Variants in AK5 observed in about 807,000 individuals in gnomAD.
The protein encoded by AK5 is adenylate kinase 5.
Under a neutral mutation model 69.5 loss-of-function variants are expected in AK5, and 27 were observed. That is an observed-to-expected ratio of 0.39 (90% CI 0.29 to 0.54). The LOEUF (loss-of-function observed/expected upper bound fraction) is 0.54. Among genes scored for constraint, AK5 ranks in the 20% least tolerant of loss-of-function variants. AK5 has a pLI of 0.71. For synonymous variants in AK5, 260 were observed against 244.4 expected (o/e 1.06, Z -0.60); for missense variants, 531 against 700.4 (o/e 0.76, Z 2.73).
At chr1:77,399,360 C>A (rs1649042011) in intron 6 of AK5, among the ~76,000 whole-genome samples, 1 of 152,160 alleles carries the variant, frequency 6.6e-6, no homozygotes, top group African/African-American at 2.4e-5. Flanking sequence ...GGGCCCTTTT[C>A]TCTCAACCAC....
chr1:77,358,018 T>TGTGTGTGTGTGTGTGTGTGTGAGAGAGA (rs762714026), intron 6 of AK5, among the ~76,000 whole-genome samples: 1 of 128,174 alleles, frequency 7.8e-6, no homozygotes, highest in African/African-American at 2.8e-5. Flanking sequence ...TGTGTGTGTG[T>TGTGTGTGTGTGTGTGTGTGTGAGAGAGA]GAGAGAGAGA....
chr1:77,536,163 A>C, intron 13 of AK5, 125 bp downstream of exon 13: 1 of 1,108,756 alleles, frequency 9.0e-7, no homozygotes, highest in Admixed American at 2.9e-5. Context: ...GTGCAGCTGC[A>C]GCACTGGGGC....
chr1:77,517,066 C>CT (rs745608017), intron 10 of AK5, among the ~76,000 whole-genome samples: 9,934 of 68,602 alleles, frequency 0.14, 464 homozygotes, highest in Middle Eastern at 0.21. Context: ...GCAAGACCAT[C>CT]TCAAAAAAAA....
intron 13 of AK5, among the ~76,000 whole-genome samples, chr1:77,542,474 G>A (rs2100375212): frequency 6.6e-6 from 1 of 152,330 alleles, no homozygotes; most frequent in East Asian, 1.9e-4. Flanking sequence ...GGACCTGACT[G>A]ATATAAACAT....
chr1:77,292,751 A>G (rs1252453017), intron 2 of AK5, among the ~76,000 whole-genome samples: 1 of 152,088 alleles, frequency 6.6e-6, no homozygotes, highest in Non-Finnish European at 1.5e-5. Flanking sequence ...TATTTCCTGC[A>G]TTTCATCACC....
intron 6 of AK5, among the ~76,000 whole-genome samples, chr1:77,380,665 C>A (rs753831802): frequency 4.6e-5 from 7 of 152,218 alleles, no homozygotes; most frequent in Non-Finnish European, 8.8e-5. Flanking sequence ...TCCCTGACCT[C>A]AAGGAAAGTA....
chr1:77,372,758 TGTG>T (rs1647143315), intron 6 of AK5, among the ~76,000 whole-genome samples: 2 of 116,176 alleles, frequency 1.7e-5, no homozygotes, highest in South Asian at 5.3e-4. Context: ...CTAAATAAAA[TGTG>T]TGTGTGTGTG....
At chr1:77,298,878 C>A (rs780514173) in intron 5 of AK5, among the ~76,000 whole-genome samples, 1 of 152,138 alleles carries the variant, frequency 6.6e-6, no homozygotes, top group Admixed American at 6.5e-5. Flanking sequence ...TATGCTCATA[C>A]AAATTTTAAG....
At chr1:77,447,839 AG>A (rs1198438099) in intron 8 of AK5, among the ~76,000 whole-genome samples, 1 of 152,228 alleles carries the variant, frequency 6.6e-6, no homozygotes, top group East Asian at 1.9e-4. Context: ...AGGATTGGGT[AG>A]TATGCAAAAA....
At position 77,379,253 on chromosome 1, in the gene AK5, G is replaced by A. The variant is rs551483156; in HGVS notation, c.892-31728G>A. Among the ~76,000 whole-genome samples the A allele has an allele frequency of 4.1e-4, 62 of 152,216 alleles. 1 individual carries two copies. Among genetic ancestry groups the A allele is most frequent in the Non-Finnish European group, 5.6e-4 (38 of 68,038 alleles). ...GATAAATACCTCCCTTGCGATGGAT[G>A]CAGTTGGCATCTTCAGCACCCCTTC... On this transcript the variant is annotated intron_variant, in intron 6 of 13. Transcript: ENST00000354567.
At chr1:77,503,300 C>T (rs1656832190) in intron 10 of AK5, among the ~76,000 whole-genome samples, 1 of 152,026 alleles carries the variant, frequency 6.6e-6, no homozygotes, top group African/African-American at 2.4e-5. Flanking sequence ...TACATTTTTG[C>T]CTAGTTTAGA....
intron 6 of AK5, among the ~76,000 whole-genome samples, chr1:77,393,641 C>G (rs923610923): frequency 2.0e-5 from 3 of 152,162 alleles, no homozygotes; most frequent in Non-Finnish European, 4.4e-5. Context: ...ATTGGCAACA[C>G]TTAGATTTAC....
intron 13 of AK5, among the ~76,000 whole-genome samples, chr1:77,539,793 C>A (rs1055503583): frequency 2.6e-5 from 4 of 152,188 alleles, no homozygotes; most frequent in Admixed American, 2.6e-4. Flanking sequence ...TCCTGTGATG[C>A]TGTTTGGATT....
At chr1:77,553,581 C>CA (rs879772782) in intron 13 of AK5, among the ~76,000 whole-genome samples, 22 of 152,086 alleles carry the variant, frequency 1.4e-4, no homozygotes, top group South Asian at 2.1e-4. Context: ...GTGCCAAAGA[C>CA]AAAAAATTGG....
intron 7 of AK5, among the ~76,000 whole-genome samples, chr1:77,411,495 G>A (rs1570524824): frequency 6.6e-6 from 1 of 152,082 alleles, no homozygotes; most frequent in African/African-American, 2.4e-5. Context: ...CACAGCTCCT[G>A]TGTGACCCTA....
intron 8 of AK5, among the ~76,000 whole-genome samples, chr1:77,453,217 A>G (rs1405445594): frequency 6.6e-6 from 1 of 152,194 alleles, no homozygotes; most frequent in East Asian, 1.9e-4. Context: ...GTAGAATGTG[A>G]GTTCCCAGAA....
intron 6 of AK5, among the ~76,000 whole-genome samples, chr1:77,352,150 G>A (rs1209369891): frequency 3.3e-5 from 5 of 151,670 alleles, no homozygotes; most frequent in Admixed American, 6.6e-5. Context: ...GGGTGGTCTC[G>A]AACTCCTGAC....
At chr1:77,425,678 T>C (rs1279715947) in intron 8 of AK5, among the ~76,000 whole-genome samples, 2 of 152,194 alleles carry the variant, frequency 1.3e-5, no homozygotes, top group African/African-American at 4.8e-5. Context: ...TAAGTGAAGA[T>C]AAAATAAAGA....
chr1:77,524,436 A>C (rs541907792), intron 12 of AK5, among the ~76,000 whole-genome samples: 1 of 152,294 alleles, frequency 6.6e-6, no homozygotes, highest in African/African-American at 2.4e-5. Flanking sequence ...TGAGAATTTC[A>C]ATTTCTTCTC....
Sources: allele counts gnomAD v4.1 joint callset (sites outside exome capture counted in the v4.1 genomes callset), GRCh38; gene constraint gnomAD v4.1.1; transcripts MANE v1.5; gene names NCBI Gene and HGNC (gene_info 2026-07-23, HGNC 2026-07-21).